The following KSR2 variants were observed in gnomAD, a reference collection of about 807,000 sequenced individuals.
KSR2 encodes the protein kinase suppressor of ras 2.
In KSR2, 25 loss-of-function variants were observed where a neutral mutation model predicts 107.8. The ratio of observed to expected loss-of-function variants is 0.23; its 90% confidence interval spans 0.17 to 0.32. The LOEUF is 0.32. Among genes scored for constraint, KSR2 ranks in the 10% least tolerant of loss-of-function variants. The probability of loss-of-function intolerance (pLI) is 1.00; values close to 1 mark genes in which losing one functional copy is unlikely to be tolerated. For missense variants in KSR2, 887 were observed against 1,268.9 expected, an observed-to-expected ratio of 0.70 and a Z score of 4.57; for synonymous variants, 480 against 507.0, an observed-to-expected ratio of 0.95 and a Z score of 0.71.
At chr12:117,576,033 C>T (rs977871540) in intron 7 of KSR2, among the ~76,000 whole-genome samples, 2 of 152,154 alleles carry the variant, frequency 1.3e-5, no homozygotes, top group Admixed American at 6.5e-5. Context: ...CCACCCTATC[C>T]CTATCCTTCC....
chr12:117,651,498 A>C (rs1244572640), intron 5 of KSR2, among the ~76,000 whole-genome samples: 1 of 152,260 alleles, frequency 6.6e-6, no homozygotes, highest in African/African-American at 2.4e-5. Flanking sequence ...GGGAAGGAAC[A>C]CAGAGTTGGA....
intron 1 of KSR2, among the ~76,000 whole-genome samples, chr12:117,869,037 G>T (rs565022210): frequency 2.0e-5 from 3 of 151,828 alleles, no homozygotes; most frequent in Non-Finnish European, 4.4e-5. Context: ...ATAAGAGTGG[G>T]CCACCATGCC....
At chr12:117,851,457 C>T (rs1377132624) in intron 3 of KSR2, among the ~76,000 whole-genome samples, 2 of 152,114 alleles carry the variant, frequency 1.3e-5, no homozygotes, top group Admixed American at 1.3e-4. Flanking sequence ...GTGGTATGCA[C>T]CTGTAGTCCC....
intron 4 of KSR2, among the ~76,000 whole-genome samples, chr12:117,676,703 G>C (rs923872715): frequency 1.3e-5 from 2 of 152,204 alleles, no homozygotes; most frequent in African/African-American, 4.8e-5. Context: ...ATCCTGGTGG[G>C]AGTGTAAATT....
intron 4 of KSR2, among the ~76,000 whole-genome samples, chr12:117,679,373 G>A (rs1340456018): frequency 6.6e-6 from 1 of 152,196 alleles, no homozygotes; most frequent in Non-Finnish European, 1.5e-5. Flanking sequence ...GGAAATTGAA[G>A]TTCAGAGAGG....
intron 1 of KSR2, among the ~76,000 whole-genome samples, chr12:117,890,214 T>G (rs1894298471): frequency 6.6e-6 from 1 of 152,184 alleles, no homozygotes. Flanking sequence ...CTTATGTCTT[T>G]GAGATCTAAG....
intron 3 of KSR2, among the ~76,000 whole-genome samples, chr12:117,791,819 G>C (rs938741961): frequency 1.6e-4 from 24 of 152,192 alleles, no homozygotes; most frequent in Admixed American, 3.9e-4. Context: ...GGATTGTGTT[G>C]CAACCGATAT....
chr12:117,593,391 CA>C (rs1251880251), intron 5 of KSR2, among the ~76,000 whole-genome samples: 2 of 152,174 alleles, frequency 1.3e-5, no homozygotes, highest in Admixed American at 1.3e-4. Flanking sequence ...AGGTGCAGGG[CA>C]GGGGGAGATG....
At chr12:117,505,030 G>C (rs939983065) in intron 14 of KSR2, among the ~76,000 whole-genome samples, 3 of 152,140 alleles carry the variant, frequency 2.0e-5, no homozygotes, top group African/African-American at 7.2e-5. Flanking sequence ...CCATTCCTGA[G>C]TTACTTAATA....
intron 5 of KSR2, among the ~76,000 whole-genome samples, chr12:117,600,628 G>A (rs1010883614): frequency 6.6e-6 from 1 of 152,170 alleles, no homozygotes; most frequent in Non-Finnish European, 1.5e-5. Context: ...CCTTGGAGCA[G>A]GCAGCAAGTA....
intron 7 of KSR2, among the ~76,000 whole-genome samples, chr12:117,564,070 G>C (rs1167673898): frequency 6.6e-6 from 1 of 152,086 alleles, no homozygotes; most frequent in Non-Finnish European, 1.5e-5. Context: ...CAAAACCCTT[G>C]GCTCCTCATG....
At chr12:117,885,568 T>C (rs1406238440) in intron 1 of KSR2, among the ~76,000 whole-genome samples, 1 of 151,948 alleles carries the variant, frequency 6.6e-6, no homozygotes, top group Non-Finnish European at 1.5e-5. Flanking sequence ...TAAACACATA[T>C]GTAATATATA....
chr12:117,949,314 A>AG (rs386377876), intron 1 of KSR2, among the ~76,000 whole-genome samples: 1 of 151,936 alleles, frequency 6.6e-6, no homozygotes, highest in African/African-American at 2.4e-5. Flanking sequence ...GAGGAAAAAA[A>AG]AAAAGAAAAT....
At chr12:117,881,664 A>C (rs139566975) in intron 1 of KSR2, among the ~76,000 whole-genome samples, 40 of 151,908 alleles carry the variant, frequency 2.6e-4, no homozygotes, top group African/African-American at 9.5e-4. Context: ...ACAAATGAGG[A>C]AATGGAGGTC....
At chr12:117,513,610 A>G (rs1418345542) in intron 14 of KSR2, among the ~76,000 whole-genome samples, 1 of 152,206 alleles carries the variant, frequency 6.6e-6, no homozygotes, top group African/African-American at 2.4e-5. Flanking sequence ...TGGACAATGA[A>G]CCTGATTTGG....
chr12:117,475,097 A>G (rs1176942567), intron 17 of KSR2, among the ~76,000 whole-genome samples: 2 of 152,068 alleles, frequency 1.3e-5, no homozygotes. Context: ...TTCCCTGTGT[A>G]TTGGACACCC....
chr12:117,539,969 G>GC lies in KSR2; in HGVS notation c.1519-83dup, dbSNP rs943835342. 4.2e-6 allele frequency: 5 copies of GC among 1,185,282 alleles called. No individual in the cohort carries two copies. The African/African-American group carries it at 7.9e-5, about 19-fold the overall frequency. The allele number at this position is 1,185,282 out of a possible 1,614,324, so 73.4% of individuals were successfully genotyped here. A position where few individuals can be genotyped will look rare whatever the true frequency, so the allele number is the denominator to read the frequency against. Reference sequence around the variant, plus strand: ...AGAAAGAGTGGGCTGAGCAGGAGAGGCCCCCACCCCAGCCCCTGCAACAAT... The same window carrying GC: ...AGAAAGAGTGGGCTGAGCAGGAGAGGCCCCCCACCCCAGCCCCTGCAACAAT... On this transcript the variant is annotated intron_variant, in intron 9 of 19. Transcript: ENST00000339824.
In KSR2 at chr12:117,900,289, T is replaced by G. The variant is rs551417952; in HGVS notation, c.181-39858A>C. 5.3e-5 allele frequency among the ~76,000 whole-genome samples: 8 copies of G among 152,256 alleles called. No individual in the cohort carries two copies. In the South Asian group the frequency reaches 1.7e-3, roughly 32 times the overall value. On this transcript the variant is annotated intron_variant, in intron 1 of 19. Coordinates refer to ENST00000339824, the MANE Select transcript of KSR2 (RefSeq NM_173598.6). ...CTGTTACTCAATACATAAATTCAGG[T>G]GTATATTTTTCTAGAACTCAGCTAA...
rs56721207 is a variant in KSR2 at position 117,797,652 on chromosome 12, A to AT, written c.473-36129dup. 2.9e-3 allele frequency among the ~76,000 whole-genome samples: 426 copies of AT among 148,754 alleles called. 1 individual carries two copies. The highest frequency in any genetic ancestry group is 4.7e-3 in the Non-Finnish European group (316 of 67,058). On this transcript the variant is annotated intron_variant, in intron 3 of 19. Transcript: ENST00000339824. ...TTTATATTATATAAATTTCACCTCA[A>AT]TTTTTTTTTTTTTGACATAGGGTCC...
Sources: gnomAD v4.1 joint callset for allele counts (sites outside exome capture counted in the v4.1 genomes callset) on GRCh38, gnomAD v4.1.1 for gene constraint, MANE v1.5 for transcripts, NCBI Gene and HGNC (gene_info 2026-07-23, HGNC 2026-07-21) for gene names.